Variants in CFAP58 observed in about 807,000 individuals in gnomAD.
CFAP58 encodes the protein cilia and flagella associated protein 58, also known as cilia- and flagella-associated protein 58.
CFAP58 carries 88 observed loss-of-function variants against 119.5 expected under a neutral mutation model. That is an observed-to-expected ratio of 0.74 (90% CI 0.62 to 0.88). CFAP58 has a LOEUF of 0.88. CFAP58 is among the 40% of genes least tolerant of loss of function. The pLI is 0.00. For synonymous variants in CFAP58, 365 were observed against 366.3 expected, an observed-to-expected ratio of 1.00 and a Z score of 0.04; for missense variants, 990 against 1,021.2, an observed-to-expected ratio of 0.97 and a Z score of 0.42.
chr10:104,357,953 A>ACATATG lies in CFAP58; in HGVS notation c.10-388_10-387insCATATG, dbSNP rs1564876121. ...TATACACACATATATGTACACATAT[A>ACATATG]TACACATATATGTACACATATGTAC... On this transcript the variant is annotated intron_variant, in intron 1 of 17. Transcript: ENST00000369704. 3.9e-3 allele frequency among the ~76,000 whole-genome samples: 442 copies of ACATATG among 112,910 alleles called. 13 individuals are homozygous for ACATATG. The highest frequency in any genetic ancestry group is 0.021 in the African/African-American group (409 of 19,224). 74.1% of individuals were successfully genotyped at this position (112,910 alleles called of 152,430 possible). A position where few individuals can be genotyped will look rare whatever the true frequency, so the allele number is the denominator to read the frequency against.
chr10:104,415,061 A>G (rs532712740), intron 15 of CFAP58, among the ~76,000 whole-genome samples: 27 of 152,272 alleles, frequency 1.8e-4, no homozygotes, highest in African/African-American at 6.3e-4. Flanking sequence ...ACCTCGTCCC[A>G]GCCTTGAAGG....
intron 7 of CFAP58, among the ~76,000 whole-genome samples, chr10:104,373,925 G>T (rs2133001652): frequency 1.3e-5 from 2 of 152,258 alleles, no homozygotes; most frequent in Middle Eastern, 6.8e-3. Flanking sequence ...TATCATCTAA[G>T]GTAAGGTGTT....
At chr10:104,355,574 C>A (rs557722022) in intron 1 of CFAP58, among the ~76,000 whole-genome samples, 1 of 152,308 alleles carries the variant, frequency 6.6e-6, no homozygotes, top group Non-Finnish European at 1.5e-5. Flanking sequence ...TTCCTTTTCC[C>A]TTTTCCTTCT....
At chr10:104,450,268 G>C in intron 17 of CFAP58, 64 bp downstream of exon 17, 2 of 1,557,512 alleles carry the variant, frequency 1.3e-6, no homozygotes, top group Non-Finnish European at 1.8e-6. Context: ...AAAATATTTG[G>C]TGAACAGTCA....
chr10:104,439,725 C>T (rs1480947960), intron 15 of CFAP58, among the ~76,000 whole-genome samples: 1 of 151,916 alleles, frequency 6.6e-6, no homozygotes, highest in East Asian at 1.9e-4. Context: ...ACAACAACAA[C>T]AACAACATAT....
chr10:104,392,541 T>C (rs2012068367), intron 10 of CFAP58, 147 bp downstream of exon 10: 2 of 521,648 alleles, frequency 3.8e-6, no homozygotes, highest in Admixed American at 4.1e-5. Context: ...CGCAAAACTG[T>C]CAGGTTATTT....
At chr10:104,369,011 A>G (rs2014789104) in intron 6 of CFAP58, among the ~76,000 whole-genome samples, 1 of 152,330 alleles carries the variant, frequency 6.6e-6, no homozygotes, top group African/African-American at 2.4e-5. Flanking sequence ...TGTCCAATGT[A>G]TATTTTGAGA....
intron 2 of CFAP58, among the ~76,000 whole-genome samples, chr10:104,361,412 G>GTTCA (rs1454056887): frequency 6.6e-6 from 1 of 152,158 alleles, no homozygotes; most frequent in Non-Finnish European, 1.5e-5. Flanking sequence ...TTGTTCTAAA[G>GTTCA]TTCACATTGT....
intron 15 of CFAP58, among the ~76,000 whole-genome samples, chr10:104,418,351 A>C (rs2012587483): frequency 6.6e-6 from 1 of 152,180 alleles, no homozygotes; most frequent in African/African-American, 2.4e-5. Context: ...GATCGAGACC[A>C]TCCTGGCTAA....
At chr10:104,373,021 T>C (rs2014844442) in intron 7 of CFAP58, among the ~76,000 whole-genome samples, 1 of 152,122 alleles carries the variant, frequency 6.6e-6, no homozygotes, top group Non-Finnish European at 1.5e-5. Context: ...CAGAGGTTAA[T>C]AGAGTTCAGT....
At position 104,365,911 on chromosome 10, in the gene CFAP58, T is replaced by A. The variant is rs2014739059; in HGVS notation, c.695T>A (p.Met232Lys). ...GAGCTCAAGCAGATTCAGGCAGACA[T>A]GGACAGCAGGCAGACAGAAATAAAA... ...EKELKQIQAD[M>K]DSRQTEIKAL... Residue 232 changes from methionine (M) to lysine (K), a missense_variant, in exon 5 of 18, where the codon ATG becomes AAG. Transcript: ENST00000369704. The A allele has an allele frequency of 1.2e-6, 2 of 1,613,292 alleles. No individual in the cohort carries two copies. The highest frequency in any genetic ancestry group is 2.7e-5 in the African/African-American group (2 of 74,816).
At position 104,454,760 on chromosome 10, in the gene CFAP58, A is replaced by G. The variant is rs569683267; in HGVS notation, c.*230A>G. 5.0e-5 allele frequency: 24 copies of G among 475,860 alleles called. No individual in the cohort carries two copies. The South Asian group carries it at 8.3e-4, about 16-fold the overall frequency. 29.5% of individuals were successfully genotyped at this position (475,860 alleles called of 1,614,324 possible). ...CTGTTCAGTTAGGCTGACCTATTGC[A>G]TGAAGCAAATCTTTTGTTGCTACCC... On this transcript the variant is annotated 3_prime_UTR_variant, in exon 18 of 18. Transcript: ENST00000369704.
rs2014817976 is a variant in CFAP58, at chr10:104,371,125, G to A, written c.1090+71G>A. The A allele has an allele frequency of 2.8e-6, 4 of 1,433,512 alleles. No homozygotes were observed. The South Asian group carries it at 5.5e-5, about 20-fold the overall frequency. The allele number at this position is 1,433,512 out of a possible 1,614,324, so 88.8% of individuals were successfully genotyped here. A position where few individuals can be genotyped will look rare whatever the true frequency, so the allele number is the denominator to read the frequency against. On this transcript the variant is annotated intron_variant, in intron 7 of 17. Transcript: ENST00000369704. ...GACTGATGTTATCTTGTAACCCAGG[G>A]CTCCATGTTTCCAAACACAACCTAT...
At chr10:104,431,907 A>G (rs2012853316) in intron 15 of CFAP58, among the ~76,000 whole-genome samples, 1 of 152,184 alleles carries the variant, frequency 6.6e-6, no homozygotes, top group South Asian at 2.1e-4. Flanking sequence ...TCCTTGATAC[A>G]CATCAAAGAT....
At chr10:104,440,491 A>C (rs2013020174) in intron 15 of CFAP58, among the ~76,000 whole-genome samples, 1 of 152,150 alleles carries the variant, frequency 6.6e-6, no homozygotes, top group South Asian at 2.1e-4. Flanking sequence ...TCTAGCTTCA[A>C]GGATTGAGCC....
chr10:104,433,403 C>T (rs2012881856), intron 15 of CFAP58, among the ~76,000 whole-genome samples: 1 of 152,180 alleles, frequency 6.6e-6, no homozygotes. Context: ...AGAAAGACCT[C>T]CCAAGAGAAG....
At chr10:104,429,430 G>T (rs990868138) in intron 15 of CFAP58, among the ~76,000 whole-genome samples, 5 of 152,130 alleles carry the variant, frequency 3.3e-5, no homozygotes, top group African/African-American at 1.2e-4. Context: ...AACTAGCTGT[G>T]GAATTTCAGG....
intron 1 of CFAP58, among the ~76,000 whole-genome samples, chr10:104,355,421 T>C (rs1399653487): frequency 6.6e-6 from 1 of 152,216 alleles, no homozygotes; most frequent in Non-Finnish European, 1.5e-5. Context: ...GGATTAGTTA[T>C]TTCCATTTCC....
intron 11 of CFAP58, 100 bp downstream of exon 11, chr10:104,393,575 A>C (rs1589919998): frequency 8.7e-7 from 1 of 1,149,732 alleles, no homozygotes; most frequent in Non-Finnish European, 1.2e-6. Context: ...GAGAACAACC[A>C]CGCCTGCCTG....
Sources: allele counts gnomAD v4.1 joint callset (sites outside exome capture counted in the v4.1 genomes callset), GRCh38; gene constraint gnomAD v4.1.1; transcripts MANE v1.5; gene names NCBI Gene and HGNC (gene_info 2026-07-23, HGNC 2026-07-21).